Variants in ERCC5 observed in about 807,000 individuals in gnomAD.
ERCC5 encodes ERCC excision repair 5, endonuclease, also known as DNA excision repair protein ERCC-5.
A neutral mutation model predicts 105.6 loss-of-function variants in ERCC5; 68 were observed. The ratio of observed to expected loss-of-function variants is 0.64; its 90% CI spans 0.53 to 0.79. ERCC5 has a LOEUF of 0.79. ERCC5 is among the 30% of genes least tolerant of loss of function. The pLI is 0.00. For synonymous variants in ERCC5, 546 were observed against 526.2 expected (o/e 1.04, Z -0.51); for missense variants, 1,373 against 1,426.7 (o/e 0.96, Z 0.61).
At position 102,865,374 on chromosome 13, in the gene ERCC5, G is replaced by A. The variant is rs1244224886; in HGVS notation, c.1955-293G>A. On this transcript the variant is annotated intron_variant, in intron 8 of 14. Transcript: ENST00000652225. The surrounding 1 kb of genome is among the most constrained non-coding windows in gnomAD (Gnocchi z 4.0). ...CTCCTTTTTGAATTTTTAAAACAAT[G>A]TCAGTTAACTTAGAACATATTTATA... is the stretch of plus-strand genomic sequence containing the variant. 8 of 371,106 alleles carry A rather than the reference G, an allele frequency of 2.2e-5. No homozygotes were observed. The highest frequency in any genetic ancestry group is 9.4e-5 in the South Asian group (4 of 42,414). The allele number at this position is 371,106 out of a possible 1,614,324, so 23.0% of individuals were successfully genotyped here. A position where few individuals can be genotyped will look rare whatever the true frequency, so the allele number is the denominator to read the frequency against.
chr13:102,859,450 A>T (rs908993058), intron 6 of ERCC5, among the ~76,000 whole-genome samples: 1 of 152,266 alleles, frequency 6.6e-6, no homozygotes, highest in African/African-American at 2.4e-5. Context: ...CAAAGGACAG[A>T]AGTAAATTGA....
chr13:102,869,886 C>G (rs1377759924), intron 12 of ERCC5, among the ~76,000 whole-genome samples: 2 of 152,114 alleles, frequency 1.3e-5, no homozygotes, highest in African/African-American at 4.8e-5. Context: ...TTATGCTGTT[C>G]CACTTTTCTT....
rs1413888168 is a variant in ERCC5, at chr13:102,875,776, C to CCAG, written c.3439_3441dup (p.Ser1149dup). 6.2e-7 allele frequency: 1 copy of CCAG among 1,614,036 alleles called. No homozygotes were observed. The highest frequency in any genetic ancestry group is 1.1e-5 in the South Asian group (1 of 91,080). Reference sequence around the variant, plus strand: ...CCCGTGAAGAATGGAGGTGCGACCACCAGCAGCTCTAGTGATAGTGATGAC... The same window carrying CCAG: ...CCCGTGAAGAATGGAGGTGCGACCACCAGCAGCAGCTCTAGTGATAGTGATGAC... On this transcript the variant is annotated inframe_insertion, in exon 15 of 15. Transcript: ENST00000652225.
At chr13:102,853,703 G>A in intron 2 of ERCC5, 54 bp from the exon 3 acceptor site, 1 of 1,547,420 alleles carries the variant, frequency 6.5e-7, no homozygotes, top group Admixed American at 1.8e-5. Context: ...TCACAGCAAT[G>A]TTTCTAGTGG....
chr13:102,857,312 C>T (rs1882462064), intron 5 of ERCC5, among the ~76,000 whole-genome samples: 1 of 152,216 alleles, frequency 6.6e-6, no homozygotes, highest in African/African-American at 2.4e-5. Context: ...CCAGGCTCCA[C>T]TGTTCACTAG....
chr13:102,861,910 C>G, intron 7 of ERCC5, 120 bp from the exon 8 acceptor site: 1 of 1,441,296 alleles, frequency 6.9e-7, no homozygotes, highest in Non-Finnish European at 9.6e-7. Flanking sequence ...TCCTAGTTGC[C>G]GATTAAATGA....
chr13:102,873,359 C>G lies in ERCC5; in HGVS notation c.2964+16C>G. On this transcript the variant is annotated intron_variant, in intron 14 of 14. Transcript: ENST00000652225. ...TGCCCAGCAGGTAATCATGGTGGAC[C>G]CTTCTCCTAAGTTCAGGATGAAGGG... is the stretch of plus-strand genomic sequence containing the variant. The G allele has an allele frequency of 6.2e-7, 1 of 1,613,976 alleles. No homozygotes were observed. The highest frequency in any genetic ancestry group is 1.7e-4 in the Middle Eastern group (1 of 6,058).
At chr13:102,859,767 G>A (rs1410022508) in intron 6 of ERCC5, among the ~76,000 whole-genome samples, 1 of 152,150 alleles carries the variant, frequency 6.6e-6, no homozygotes, top group African/African-American at 2.4e-5. Flanking sequence ...TCTGTATGTC[G>A]TGCAAATGTA....
rs1386775194 is a variant in ERCC5 at position 102,873,585 on chromosome 13, CCA to C, written c.2964+243_2964+244del. Among the ~76,000 whole-genome samples the C allele has an allele frequency of 2.0e-5, 3 of 152,110 alleles. No homozygotes were observed. The East Asian group carries it at 5.8e-4, about 29-fold the overall frequency. The stretch of plus-strand genomic sequence containing the variant: ...ATATTCATTTTTTTCTTTGAAAAAA[CCA>C]GTCTAATAACTGATTTCACACTAAG... On this transcript the variant is annotated intron_variant, in intron 14 of 14. Coordinates refer to ENST00000652225, the MANE Select transcript of ERCC5 (RefSeq NM_000123.4).
intron 6 of ERCC5, chr13:102,858,779 A>G (rs1453774334): frequency 9.5e-6 from 4 of 420,566 alleles, no homozygotes; most frequent in African/African-American, 4.1e-5. Flanking sequence ...TGTCCAGTAG[A>G]TGCTTACTGA....
chr13:102,862,002 G>A (rs1190326473), intron 7 of ERCC5, 28 bp from the exon 8 acceptor site: 1 of 1,612,054 alleles, frequency 6.2e-7, no homozygotes, highest in African/African-American at 1.3e-5. Flanking sequence ...AAAACTGAAT[G>A]GTGAGAAGTG....
chr13:102,850,746 G>T (rs1882170899), intron 1 of ERCC5, among the ~76,000 whole-genome samples: 1 of 152,104 alleles, frequency 6.6e-6, no homozygotes, highest in Non-Finnish European at 1.5e-5. Context: ...ATGAGGTATG[G>T]GGTAGAGACG....
chr13:102,861,816 C>T, intron 7 of ERCC5, 102 bp downstream of exon 7: 8 of 1,445,308 alleles, frequency 5.5e-6, no homozygotes, highest in Non-Finnish European at 7.6e-6. Context: ...TAATGAAATT[C>T]TATTTATGTA....
At position 102,846,216 on chromosome 13, in the gene ERCC5, A is replaced by G. The variant is rs1480064067; in HGVS notation, c.-51A>G. The G allele has an allele frequency of 2.0e-6, 3 of 1,504,250 alleles. No homozygotes were observed. The highest frequency in any genetic ancestry group is 2.8e-6 in the Non-Finnish European group (3 of 1,089,246). The allele number at this position is 1,504,250 out of a possible 1,614,324, so 93.2% of individuals were successfully genotyped here. A position where few individuals can be genotyped will look rare whatever the true frequency, so the allele number is the denominator to read the frequency against. The stretch of plus-strand genomic sequence containing the variant: ...TAGGCGGCGGTGCAGTCCGTCGTAG[A>G]AGAATTAGAGTAGAAGTTGTCGGGG... On this transcript the variant is annotated 5_prime_UTR_variant, in exon 1 of 15. Coordinates refer to ENST00000652225, the MANE Select transcript of ERCC5 (RefSeq NM_000123.4).
chr13:102,849,239 C>G (rs772155492), intron 1 of ERCC5: 1 of 518,526 alleles, frequency 1.9e-6, no homozygotes, highest in African/African-American at 1.9e-5. Flanking sequence ...CCACTACTGT[C>G]TGCGTTAACT....
At chr13:102,856,630 G>T (rs1272296835) in intron 5 of ERCC5, among the ~76,000 whole-genome samples, 1 of 152,152 alleles carries the variant, frequency 6.6e-6, no homozygotes, top group Non-Finnish European at 1.5e-5. Context: ...CATCTGTCTG[G>T]GTTCCAGGGG....
intron 1 of ERCC5, chr13:102,849,333 C>G (rs1394810237): frequency 1.9e-6 from 1 of 518,862 alleles, no homozygotes; most frequent in Non-Finnish European, 3.8e-6. Context: ...AAATCATGTT[C>G]TAGAAACTTC....
chr13:102,867,870 G>T (rs1219254207), intron 11 of ERCC5, among the ~76,000 whole-genome samples: 6 of 152,180 alleles, frequency 3.9e-5, no homozygotes, highest in Non-Finnish European at 8.8e-5. Flanking sequence ...GAGAGACTCA[G>T]GCTAGATAGC....
intron 4 of ERCC5, among the ~76,000 whole-genome samples, chr13:102,855,664 T>C (rs1882386265): frequency 1.3e-5 from 2 of 152,210 alleles, no homozygotes; most frequent in Non-Finnish European, 2.9e-5. Flanking sequence ...TGTTTCTATA[T>C]GGTCATACAA....
Sources: gnomAD v4.1 joint callset for allele counts (sites outside exome capture counted in the v4.1 genomes callset) on GRCh38, gnomAD v4.1.1 for gene constraint, Gnocchi (gnomAD v3.1) non-coding constraint, MANE v1.5 for transcripts, NCBI Gene and HGNC (gene_info 2026-07-23, HGNC 2026-07-21) for gene names.